Variants in UBR3 observed in about 807,000 individuals in gnomAD.
The protein encoded by UBR3 is E3 ubiquitin-protein ligase UBR3.
In UBR3, 85 loss-of-function variants were observed where a neutral mutation model predicts 243.2. The ratio of observed to expected loss-of-function variants is 0.35; its 90% confidence interval spans 0.29 to 0.42. The LOEUF is 0.42. UBR3 is among the 10% of genes least tolerant of loss of function. UBR3 has a pLI of 1.00. For synonymous variants in UBR3, 748 were observed against 799.8 expected, an observed-to-expected ratio of 0.94 and a Z score of 1.09; for missense variants, 1,686 against 2,300.8, an observed-to-expected ratio of 0.73 and a Z score of 5.47.
chr2:169,876,385 ACTT>A (rs988018075), intron 3 of UBR3, among the ~76,000 whole-genome samples: 1 of 152,058 alleles, frequency 6.6e-6, no homozygotes, highest in African/African-American at 2.4e-5. Context: ...TGGCAAGAGA[ACTT>A]CTTGTTTTAT....
chr2:169,990,741 A>G (rs80333574), intron 25 of UBR3, among the ~76,000 whole-genome samples: 5 of 127,696 alleles, frequency 3.9e-5, no homozygotes, highest in African/African-American at 1.2e-4. Flanking sequence ...ACACACACAC[A>G]CACACACATA....
intron 11 of UBR3, among the ~76,000 whole-genome samples, chr2:169,920,207 A>T (rs1045099315): frequency 6.6e-6 from 1 of 152,154 alleles, no homozygotes; most frequent in African/African-American, 2.4e-5. Context: ...TCAGCAAACT[A>T]TTGCAAGGAC....
chr2:169,976,842 T>C (rs2105380691), intron 24 of UBR3, among the ~76,000 whole-genome samples: 1 of 152,288 alleles, frequency 6.6e-6, no homozygotes, highest in South Asian at 2.1e-4. Flanking sequence ...TGGTTTTCTA[T>C]GCCATTTTTA....
intron 25 of UBR3, among the ~76,000 whole-genome samples, chr2:169,989,937 T>C (rs2089200094): frequency 6.6e-6 from 1 of 152,180 alleles, no homozygotes; most frequent in Non-Finnish European, 1.5e-5. Flanking sequence ...TGGGTCTTTC[T>C]ACATTTTTTG....
At chr2:169,894,056 T>G (rs1167543955) in intron 6 of UBR3, among the ~76,000 whole-genome samples, 1 of 152,106 alleles carries the variant, frequency 6.6e-6, no homozygotes, top group Non-Finnish European at 1.5e-5. Flanking sequence ...AGAATAGATT[T>G]CTGTTTTATA....
intron 8 of UBR3, 117 bp downstream of exon 8, chr2:169,896,852 A>T: frequency 1.5e-6 from 1 of 672,484 alleles, no homozygotes; most frequent in Non-Finnish European, 2.2e-6. Context: ...ATTATTAATC[A>T]TATTCTAGTA....
At chr2:169,957,150 G>A (rs1185938603) in intron 23 of UBR3, among the ~76,000 whole-genome samples, 1 of 151,824 alleles carries the variant, frequency 6.6e-6, no homozygotes, top group African/African-American at 2.4e-5. Flanking sequence ...TTCCTTACTG[G>A]GAGTGAAACT....
chr2:169,850,668 C>T (rs1467319732), intron 1 of UBR3, among the ~76,000 whole-genome samples: 1 of 152,052 alleles, frequency 6.6e-6, no homozygotes, highest in Non-Finnish European at 1.5e-5. Context: ...CACGGTGAAA[C>T]CCCGTTTCTA....
intron 31 of UBR3, among the ~76,000 whole-genome samples, chr2:170,039,420 CTAGA>C (rs2090910954): frequency 6.6e-6 from 1 of 151,714 alleles, no homozygotes; most frequent in Non-Finnish European, 1.5e-5. Context: ...TGCAGAGAGG[CTAGA>C]TAAACTTGAA....
At chr2:169,890,542 T>TATATATATATATATACAC (rs2084300024) in intron 5 of UBR3, among the ~76,000 whole-genome samples, 1 of 62,094 alleles carries the variant, frequency 1.6e-5, no homozygotes, top group African/African-American at 6.8e-5. Flanking sequence ...GAGAGAGAGA[T>TATATATATATATATACAC]ATATATATAT....
chr2:169,828,054 TGAGTGGAGCCCTCCCCGCGGGC>T lies in UBR3; in HGVS notation c.545+6_545+27del. 8.0e-6 allele frequency: 11 copies of T among 1,375,308 alleles called. No homozygotes were observed. The highest frequency in any genetic ancestry group is 1.0e-5 in the Non-Finnish European group (11 of 1,060,294). 85.2% of individuals were successfully genotyped at this position (1,375,308 alleles called of 1,614,324 possible). ...CAGCAACGTGATGCGGGAGAGCGGG[TGAGTGGAGCCCTCCCCGCGGGC>T]GAGGCGACCCTGGGCCGGGGACGTC... is the stretch of plus-strand genomic sequence containing the variant. On this transcript the variant is annotated splice_donor_5th_base_variant and intron_variant, in intron 1 of 38. Coordinates refer to ENST00000272793, the MANE Select transcript of UBR3 (RefSeq NM_172070.4).
At chr2:170,001,192 A>G (rs2089682652) in intron 26 of UBR3, 112 bp from the exon 27 acceptor site, 1 of 714,036 alleles carries the variant, frequency 1.4e-6, no homozygotes, top group Non-Finnish European at 2.3e-6. Context: ...TAGAAACTCC[A>G]CATTAATATA....
intron 24 of UBR3, among the ~76,000 whole-genome samples, chr2:169,972,160 C>T (rs995365261): frequency 6.6e-6 from 1 of 152,166 alleles, no homozygotes; most frequent in Non-Finnish European, 1.5e-5. Flanking sequence ...ACTAGAAAAT[C>T]CAGAAGAAAT....
intron 11 of UBR3, among the ~76,000 whole-genome samples, chr2:169,922,179 A>G (rs1042114457): frequency 8.6e-5 from 13 of 151,350 alleles, no homozygotes; most frequent in Non-Finnish European, 1.8e-4. Flanking sequence ...CCAGCTGCTC[A>G]GGGGGCCGAG....
intron 32 of UBR3, among the ~76,000 whole-genome samples, chr2:170,051,959 C>T (rs2091229108): frequency 6.6e-6 from 1 of 151,964 alleles, no homozygotes; most frequent in South Asian, 2.1e-4. Flanking sequence ...ATCTTTTTTC[C>T]CATAGCTTTA....
chr2:169,936,290 C>T (rs915170432), intron 19 of UBR3, among the ~76,000 whole-genome samples: 1 of 152,064 alleles, frequency 6.6e-6, no homozygotes, highest in Non-Finnish European at 1.5e-5. Context: ...AACTCCCGAC[C>T]TCAGGTGATC....
chr2:169,945,466 C>T (rs1314137523), intron 20 of UBR3, among the ~76,000 whole-genome samples: 1 of 152,152 alleles, frequency 6.6e-6, no homozygotes, highest in Non-Finnish European at 1.5e-5. Flanking sequence ...CAAGTCCCCT[C>T]AGCCATCTGG....
At chr2:169,959,147 A>G (rs2087448410) in intron 24 of UBR3, among the ~76,000 whole-genome samples, 1 of 152,170 alleles carries the variant, frequency 6.6e-6, no homozygotes. Flanking sequence ...AAGAAAATAA[A>G]GTCATGCATT....
chr2:170,015,330 G>A lies in UBR3; in HGVS notation c.4417G>A (p.Gly1473Ser). Reference sequence around the variant, plus strand: ...TCATCGAGGAGGCAATTTGTGTTCAGGTGGTGCAAGCACAGCTGGCAAAAG... The same window carrying A: ...TCATCGAGGAGGCAATTTGTGTTCAAGTGGTGCAAGCACAGCTGGCAAAAG... ...LIHRGGNLCS[G>S]GASTAGKRSC... Residue 1473 changes from glycine to serine, a missense_variant, in exon 30 of 39, where the codon GGT becomes AGT. By Grantham distance (56) the Gly-to-Ser change is moderately conservative (BLOSUM62 0). Coordinates refer to ENST00000272793, the MANE Select transcript of UBR3 (RefSeq NM_172070.4). 2 of 1,611,806 alleles carry A rather than the reference G, an allele frequency of 1.2e-6. No individual in the cohort carries two copies. The highest frequency in any genetic ancestry group is 1.7e-6 in the Non-Finnish European group (2 of 1,178,744).
Sources: allele counts gnomAD v4.1 joint callset (sites outside exome capture counted in the v4.1 genomes callset), GRCh38; gene constraint gnomAD v4.1.1; transcripts MANE v1.5; gene names NCBI Gene and HGNC (gene_info 2026-07-23, HGNC 2026-07-21).